Variants in TBX1 observed in about 807,000 individuals in gnomAD.
TBX1 encodes T-box transcription factor TBX1.
Under a neutral mutation model 40.8 loss-of-function variants are expected in TBX1, and 16 were observed. That is an observed-to-expected ratio of 0.39 (90% CI 0.27 to 0.60). The LOEUF (loss-of-function observed/expected upper bound fraction) is 0.60. Among genes scored for constraint, TBX1 ranks in the 20% least tolerant of loss-of-function variants. TBX1 has a pLI of 0.51. For synonymous variants in TBX1, 403 were observed against 336.8 expected, an observed-to-expected ratio of 1.20 and a Z score of -2.15; for missense variants, 755 against 728.5, an observed-to-expected ratio of 1.04 and a Z score of -0.42.
In TBX1 at chr22:19,761,156, G is replaced by T; in HGVS notation, c.313G>T (p.Ala105Ser). ...PEGPGASCAA[A>S]AKAPVKKNAK... ...GGGCCCCGGGGCCAGCTGCGCGGCC[G>T]CAGCCAAGGCGCCGGTGAAGAAGAA... Residue 105 changes from alanine to serine, a missense_variant, in exon 1 of 7, where the codon GCA (alanine) becomes TCA (serine). Transcript: ENST00000649276. 2 of 1,500,040 alleles carry T rather than the reference G, an allele frequency of 1.3e-6. No individual in the cohort carries two copies. Among genetic ancestry groups the T allele is most frequent in the Non-Finnish European group, 8.9e-7 (1 of 1,119,156 alleles). The allele number at this position is 1,500,040 out of a possible 1,614,324, so 92.9% of individuals were successfully genotyped here. A position where few individuals can be genotyped will look rare whatever the true frequency, so the allele number is the denominator to read the frequency against.
At chr22:19,761,909 T>C (rs1001652300) in intron 1 of TBX1, among the ~76,000 whole-genome samples, 3 of 152,176 alleles carry the variant, frequency 2.0e-5, no homozygotes, top group African/African-American at 7.2e-5. Context: ...CCTGTATTTG[T>C]TTTAAAGACC....
In TBX1 at chr22:19,779,038, C is replaced by T. The variant is rs142186001; in HGVS notation, c.1010-182C>T. Among the ~76,000 whole-genome samples, 192 of 152,314 alleles carry T rather than the reference C, an allele frequency of 1.3e-3. 2 individuals are homozygous for T. Among genetic ancestry groups the T allele is most frequent in the African/African-American group, 4.0e-3 (165 of 41,576 alleles). On this transcript the variant is annotated intron_variant, in intron 8 of 8. Coordinates refer to the TBX1 transcript ENST00000329705. ...TGGGCTGAGGTGGGACCTGGTGTGG[C>T]TGTGGAGGCCGTGTCTGTGTCTGTG...
At chr22:19,759,939 G>C (rs1378083522), upstream of TBX1, among the ~76,000 whole-genome samples, 1 of 152,258 alleles carries the variant, frequency 6.6e-6, no homozygotes, top group African/African-American at 2.4e-5. Flanking sequence ...AAGGAGAGCA[G>C]AGGTGGCCGT....
At chr22:19,765,197 G>A (rs1166339522) in intron 4 of TBX1, 84 bp downstream of exon 4, 9 of 1,595,422 alleles carry the variant, frequency 5.6e-6, no homozygotes, top group Non-Finnish European at 7.7e-6. Context: ...TGGGGACAGT[G>A]GGTCCGCTTA....
downstream of TBX1, among the ~76,000 whole-genome samples, chr22:19,771,513 T>A (rs541226835): frequency 6.6e-6 from 1 of 152,358 alleles, no homozygotes; most frequent in South Asian, 2.1e-4. Context: ...TTAATAGCAG[T>A]AATTAAATTA....
upstream of TBX1, chr22:19,759,440 G>A: frequency 7.2e-7 from 1 of 1,387,428 alleles, no homozygotes; most frequent in Non-Finnish European, 9.3e-7. Context: ...GCTGGGCGCG[G>A]TGCGGCTGGG....
At chr22:19,757,837 G>A (rs113912002), upstream of TBX1, among the ~76,000 whole-genome samples, 17 of 152,294 alleles carry the variant, frequency 1.1e-4, 1 homozygote, top group African/African-American at 3.4e-4. Context: ...AGAGACATAA[G>A]TCATTGTCAC....
At chr22:19,758,118 A>T (rs977469273), upstream of TBX1, among the ~76,000 whole-genome samples, 18 of 152,168 alleles carry the variant, frequency 1.2e-4, no homozygotes, top group Non-Finnish European at 2.2e-4. Context: ...CCAGCCCGTT[A>T]CTGGGCCTTC....
chr22:19,762,272 A>AT (rs1326084263), intron 1 of TBX1, among the ~76,000 whole-genome samples: 1 of 152,128 alleles, frequency 6.6e-6, no homozygotes, highest in Non-Finnish European at 1.5e-5. Context: ...GTCCCGCAGC[A>AT]CCCTCCAGCC....
At chr22:19,766,230 G>C in intron 6 of TBX1, 159 bp from the exon 7 acceptor site, 1 of 1,096,896 alleles carries the variant, frequency 9.1e-7, no homozygotes, top group Non-Finnish European at 1.1e-6. Flanking sequence ...GGGAGGGCTC[G>C]GGGCGCCGGC....
Position 19,767,286 on chromosome 22 carries a change from A to G in TBX1, c.*419A>G. On this transcript the variant is annotated 3_prime_UTR_variant, in exon 7 of 7. Transcript: ENST00000649276. ...TACATGTAGATACTGTAGATACTGTAGATACCGCCCCGGCGCCGACTTGAT... is the reference window on the plus strand; with the variant it reads ...TACATGTAGATACTGTAGATACTGTGGATACCGCCCCGGCGCCGACTTGAT... The G allele has an allele frequency of 7.0e-6, 7 of 997,066 alleles. No individual in the cohort carries two copies. The highest frequency in any genetic ancestry group is 7.2e-6 in the Non-Finnish European group (6 of 837,822). The allele number at this position is 997,066 out of a possible 1,614,324, so 61.8% of individuals were successfully genotyped here.
chr22:19,760,201 G>A (rs1936596171), upstream of TBX1, among the ~76,000 whole-genome samples: 1 of 137,284 alleles, frequency 7.3e-6, no homozygotes, highest in Non-Finnish European at 1.5e-5. Flanking sequence ...AGAAAAAAAG[G>A]AAAGACTTTA....
chr22:19,764,429 TC>T, intron 3 of TBX1, 103 bp downstream of exon 3: 1 of 1,481,000 alleles, frequency 6.8e-7, no homozygotes. Context: ...CCCCCGGCTG[TC>T]CCCAGGCGGC....
downstream of TBX1, among the ~76,000 whole-genome samples, chr22:19,770,866 C>T (rs1936978473): frequency 6.6e-6 from 1 of 152,152 alleles, no homozygotes; most frequent in African/African-American, 2.4e-5. Context: ...AAAGGGATGG[C>T]TCCAGTGTGT....
intron 8 of TBX1, among the ~76,000 whole-genome samples, chr22:19,772,710 T>C (rs1409387116): frequency 6.6e-6 from 1 of 152,226 alleles, no homozygotes; most frequent in Non-Finnish European, 1.5e-5. Flanking sequence ...ACAAGCTTTT[T>C]TTCTTGTGAC....
In TBX1 at chr22:19,766,446, G is replaced by C; in HGVS notation, c.1094G>C (p.Gly365Ala). 1.5e-6 allele frequency: 2 copies of C among 1,338,012 alleles called. No homozygotes were observed. The highest frequency in any genetic ancestry group is 3.5e-5 in the South Asian group (2 of 57,182). The allele number at this position is 1,338,012 out of a possible 1,614,324, so 82.9% of individuals were successfully genotyped here. A position where few individuals can be genotyped will look rare whatever the true frequency, so the allele number is the denominator to read the frequency against. The change falls in exon 7 of 7, where the codon GGG becomes GCG. Residue 365 changes from glycine (G) to alanine (A), a missense_variant. Around this residue, in one of 3 missense-constraint regions of TBX1, gnomAD observed 412 missense variants for 317.6 expected, o/e 1.30. Coordinates refer to ENST00000649276, the MANE Select transcript of TBX1 (RefSeq NM_001379200.1). ...GACGCGGGCGGGCCAGCAGTGCTCG[G>C]GGACCCGGCGCATCCTCCGCAGCTG... ...QRDAGGPAVL[G>A]DPAHPPQLLA...
chr22:19,767,972 A>G (rs1409598807), downstream of TBX1, among the ~76,000 whole-genome samples: 1 of 152,172 alleles, frequency 6.6e-6, no homozygotes, highest in Non-Finnish European at 1.5e-5. Flanking sequence ...AGTAGCCATG[A>G]GTCATCTTGA....
intron 8 of TBX1, among the ~76,000 whole-genome samples, chr22:19,774,846 G>A (rs1408515448): frequency 6.6e-6 from 1 of 152,196 alleles, no homozygotes; most frequent in East Asian, 1.9e-4. Flanking sequence ...GGCGTCTAGT[G>A]GGGACAGAGG....
At chr22:19,760,346 G>A (rs1936604357), upstream of TBX1, among the ~76,000 whole-genome samples, 1 of 150,360 alleles carries the variant, frequency 6.7e-6, no homozygotes, top group Non-Finnish European at 1.5e-5. Context: ...AGGAAAAGGG[G>A]AAGAGGCGGA....
Sources: allele counts gnomAD v4.1 joint callset (sites outside exome capture counted in the v4.1 genomes callset), GRCh38; gene constraint gnomAD v4.1.1; regional missense constraint gnomAD v4.1.1; transcripts MANE v1.5; gene names NCBI Gene and HGNC (gene_info 2026-07-23, HGNC 2026-07-21).